PCDH11X: variants seen among roughly 807,000 people sequenced by gnomAD.
The protein encoded by PCDH11X is protocadherin 11 X-linked.
Under a neutral mutation model 53.3 loss-of-function variants are expected in PCDH11X, and 18 were observed. The observed-to-expected ratio is 0.34, with a 90% CI of 0.23 to 0.50. PCDH11X has a LOEUF of 0.50. Ranked by LOEUF, PCDH11X falls within the 20% of genes least tolerant of loss-of-function variation. The probability of loss-of-function intolerance (pLI) is 0.98; values close to 1 mark genes in which losing one functional copy is unlikely to be tolerated. For missense variants in PCDH11X, 570 were observed against 1,032.4 expected, an observed-to-expected ratio of 0.55 and a Z score of 6.14; for synonymous variants, 279 against 393.3, an observed-to-expected ratio of 0.71 and a Z score of 3.44.
chrX:92,463,901 T>C (rs1290287272), intron 9 of PCDH11X, among the ~76,000 whole-genome samples: 1 of 111,078 alleles, frequency 9.0e-6, no homozygotes, highest in African/African-American at 3.3e-5. Context: ...TGAAAGAAAA[T>C]AAGCCATCTG....
chrX:92,469,338 C>G (rs936726863), intron 10 of PCDH11X, among the ~76,000 whole-genome samples: 2 of 111,070 alleles, frequency 1.8e-5, no homozygotes, highest in Non-Finnish European at 3.8e-5. Flanking sequence ...GGTAGTTCTT[C>G]TGTTCTTCTA....
intron 9 of PCDH11X, among the ~76,000 whole-genome samples, chrX:92,412,539 A>ATC (rs1485146607): frequency 3.1e-5 from 3 of 96,386 alleles, no homozygotes; most frequent in Non-Finnish European, 6.3e-5. Flanking sequence ...ATATATATAT[A>ATC]TATATATATA....
At chrX:92,425,561 C>T (rs1221411121) in intron 9 of PCDH11X, among the ~76,000 whole-genome samples, 1 of 110,024 alleles carries the variant, frequency 9.1e-6, no homozygotes, top group Non-Finnish European at 1.9e-5. Context: ...TTGGGTTTGT[C>T]GTGCCTTTTT....
intron 6 of PCDH11X, among the ~76,000 whole-genome samples, chrX:92,105,246 G>A (rs2064352536): frequency 9.0e-6 from 1 of 111,340 alleles, no homozygotes; most frequent in South Asian, 3.8e-4. Context: ...AAGAGGTTGA[G>A]GGATAATGAG....
At chrX:92,099,804 A>T (rs748392101) in intron 6 of PCDH11X, among the ~76,000 whole-genome samples, 2 of 110,972 alleles carry the variant, frequency 1.8e-5, no homozygotes, top group African/African-American at 6.5e-5. Flanking sequence ...TATGCTAAAA[A>T]TTGTTGGGGA....
chrX:92,376,307 C>T (rs1024209921), intron 8 of PCDH11X, among the ~76,000 whole-genome samples: 2 of 111,812 alleles, frequency 1.8e-5, no homozygotes, highest in African/African-American at 6.5e-5. Flanking sequence ...CATCGAGTTA[C>T]TTGTGTTATT....
chrX:92,550,857 G>GC (rs1414216574), intron 10 of PCDH11X, among the ~76,000 whole-genome samples: 1 of 107,649 alleles, frequency 9.3e-6, no homozygotes, highest in African/African-American at 3.4e-5. Context: ...TCTGTTCCTG[G>GC]CTTATTTCAC....
chrX:92,583,039 C>T (rs62600860), intron 10 of PCDH11X, among the ~76,000 whole-genome samples: 29,753 of 107,779 alleles, frequency 0.28, 3,575 homozygotes, highest in Non-Finnish European at 0.34. Context: ...AAACTTCCTT[C>T]TGATTTTACA....
At chrX:92,589,844 C>T (rs1206862480) in intron 10 of PCDH11X, among the ~76,000 whole-genome samples, 1 of 110,809 alleles carries the variant, frequency 9.0e-6, no homozygotes, top group Non-Finnish European at 1.9e-5. Flanking sequence ...CTCAACGAGG[C>T]TTTTGTAAAG....
intron 6 of PCDH11X, among the ~76,000 whole-genome samples, chrX:92,132,436 C>T (rs185313573): frequency 0.029 from 2,799 of 96,575 alleles, 56 homozygotes; most frequent in Middle Eastern, 0.089. Context: ...GGTGAAACCT[C>T]GTCTCTACTA....
At chrX:92,366,485 A>G (rs768066700) in intron 8 of PCDH11X, among the ~76,000 whole-genome samples, 8 of 106,971 alleles carry the variant, frequency 7.5e-5, no homozygotes, top group South Asian at 8.4e-4. Flanking sequence ...TTGTGTCTCT[A>G]TCTCCTTCAG....
At position 92,479,699 on chromosome X, in the gene PCDH11X, G is replaced by T. The variant is rs537681562; in HGVS notation, c.3367+11377G>T. On this transcript the variant is annotated intron_variant, in intron 10 of 10. Coordinates refer to ENST00000682573, the MANE Select transcript of PCDH11X (RefSeq NM_032968.5). ...ATAGACCCTCAATCTTTTCTGGCTT[G>T]TGAGGTTTCTGCTGAGAGGTCTGCT... Among the ~76,000 whole-genome samples, 33 of 107,929 alleles carry T rather than the reference G, an allele frequency of 3.1e-4. No homozygotes were observed. The South Asian group carries it at 0.014, about 45-fold the overall frequency. The allele number at this position is 107,929 out of a possible 115,157, so 93.7% of individuals were successfully genotyped here. A position where few individuals can be genotyped will look rare whatever the true frequency, so the allele number is the denominator to read the frequency against.
rs1356498222 is a variant in PCDH11X at position 92,613,529 on chromosome X, TTTG to T, written c.3368-4718_3368-4716del. ...TTTTCTCTAGTTGCCTTTAAGTTTT[TTTG>T]TTGTTGTTGTTGTTGTGTGTGTGTG... is the stretch of plus-strand genomic sequence containing the variant. On this transcript the variant is annotated intron_variant, in intron 10 of 10. Coordinates refer to ENST00000682573, the MANE Select transcript of PCDH11X (RefSeq NM_032968.5). 5.9e-5 allele frequency among the ~76,000 whole-genome samples: 5 copies of T among 84,478 alleles called. No individual in the cohort carries two copies. The East Asian group carries it at 9.9e-4, about 17-fold the overall frequency. The allele number at this position is 84,478 out of a possible 115,157, so 73.4% of individuals were successfully genotyped here.
chrX:91,818,555 A>T (rs909493634), intron 4 of PCDH11X, among the ~76,000 whole-genome samples: 3 of 109,829 alleles, frequency 2.7e-5, no homozygotes, highest in African/African-American at 1.0e-4. Context: ...AATACAAAAA[A>T]TTAGCCGGGC....
intron 5 of PCDH11X, among the ~76,000 whole-genome samples, chrX:91,861,064 C>CT (rs1329796722): frequency 9.0e-6 from 1 of 111,473 alleles, no homozygotes; most frequent in East Asian, 2.8e-4. Context: ...ATCAGCTCCT[C>CT]TTTGTACCTC....
At chrX:92,281,232 A>G (rs1052519420) in intron 8 of PCDH11X, among the ~76,000 whole-genome samples, 2 of 112,035 alleles carry the variant, frequency 1.8e-5, no homozygotes, top group Non-Finnish European at 3.8e-5. Flanking sequence ...TTCTTATTCT[A>G]CATTTCAGAT....
intron 6 of PCDH11X, among the ~76,000 whole-genome samples, chrX:91,942,588 G>C (rs2061523986): frequency 9.0e-6 from 1 of 110,616 alleles, no homozygotes; most frequent in African/African-American, 3.3e-5. Flanking sequence ...CAAAGGAGAC[G>C]GCAAGCCCAT....
intron 10 of PCDH11X, among the ~76,000 whole-genome samples, chrX:92,553,746 G>A (rs2075001452): frequency 9.3e-6 from 1 of 107,667 alleles, no homozygotes; most frequent in Admixed American, 1.0e-4. Context: ...GTATCCCATA[G>A]GTTTTGGTGT....
intron 10 of PCDH11X, among the ~76,000 whole-genome samples, chrX:92,544,715 A>T (rs1004818072): frequency 2.7e-5 from 3 of 110,009 alleles, no homozygotes; most frequent in South Asian, 3.9e-4. Context: ...ATAAAATCAG[A>T]TATTCTCAGG....
Sources: gnomAD v4.1 joint callset for allele counts (sites outside exome capture counted in the v4.1 genomes callset) on GRCh38, gnomAD v4.1.1 for gene constraint, MANE v1.5 for transcripts, NCBI Gene and HGNC (gene_info 2026-07-23, HGNC 2026-07-21) for gene names.